The following PKIA variants were observed in gnomAD, a reference collection of about 807,000 sequenced individuals.
PKIA encodes PKI-alpha.
In PKIA, 4 loss-of-function variants were observed where a neutral mutation model predicts 7.6. That is an observed-to-expected ratio of 0.52 (90% CI 0.26 to 1.20). The LOEUF (loss-of-function observed/expected upper bound fraction) is 1.20. Ranked by LOEUF, PKIA falls within the 50% of genes most tolerant of loss-of-function variation. PKIA has a pLI of 0.13. For synonymous variants in PKIA, 21 were observed against 30.7 expected, an observed-to-expected ratio of 0.68 and a Z score of 1.04; for missense variants, 73 against 86.2, an observed-to-expected ratio of 0.85 and a Z score of 0.61.
chr8:78,561,960 G>A (rs563939193), intron 1 of PKIA, among the ~76,000 whole-genome samples: 3 of 152,076 alleles, frequency 2.0e-5, no homozygotes, highest in African/African-American at 7.2e-5. Context: ...ATATTTACTG[G>A]CTTGAATTAG....
intron 2 of PKIA, among the ~76,000 whole-genome samples, chr8:78,585,060 G>A (rs1807915247): frequency 6.6e-6 from 1 of 151,774 alleles, no homozygotes; most frequent in Non-Finnish European, 1.5e-5. Context: ...ATAACAACTT[G>A]TCTCTTGGCC....
Position 78,605,036 on chromosome 8 carries a change from C to T in PKIA, c.*3215C>T, listed in dbSNP as rs1055767574. ...GAAATGTAACTGCCGGGCAGCAAAG[C>T]TTCTAAGTGAAACCTGTAGTAGCAG... On this transcript the variant is annotated 3_prime_UTR_variant, in exon 4 of 4. Coordinates refer to ENST00000396418, the MANE Select transcript of PKIA (RefSeq NM_006823.4). The T allele has an allele frequency of 1.3e-5, 2 of 151,924 alleles. No homozygotes were observed. The highest frequency in any genetic ancestry group is 2.9e-5 in the Non-Finnish European group (2 of 67,944). The allele number at this position is 151,924 out of a possible 1,614,324, so 9.4% of individuals were successfully genotyped here.
At chr8:78,528,062 T>G (rs1806291559) in intron 1 of PKIA, among the ~76,000 whole-genome samples, 1 of 152,132 alleles carries the variant, frequency 6.6e-6, no homozygotes, top group Non-Finnish European at 1.5e-5. Flanking sequence ...GACATTTCAG[T>G]TCTTTTTCTA....
intron 3 of PKIA, among the ~76,000 whole-genome samples, chr8:78,599,873 T>C (rs984181973): frequency 1.3e-5 from 2 of 151,470 alleles, no homozygotes; most frequent in African/African-American, 4.8e-5. Context: ...TCTTTTTCTA[T>C]TTTTCCTGAA....
At chr8:78,526,289 G>T (rs1445019327) in intron 1 of PKIA, among the ~76,000 whole-genome samples, 1 of 152,008 alleles carries the variant, frequency 6.6e-6, no homozygotes, top group Non-Finnish European at 1.5e-5. Flanking sequence ...GTGGCTGTGG[G>T]AATTAAACCT....
chr8:78,540,485 A>C (rs1806655593), intron 1 of PKIA, among the ~76,000 whole-genome samples: 1 of 152,204 alleles, frequency 6.6e-6, no homozygotes, highest in African/African-American at 2.4e-5. Flanking sequence ...CAAAGCCAAG[A>C]GAGATGGGAG....
chr8:78,557,754 C>CA, intron 1 of PKIA, among the ~76,000 whole-genome samples: 5 of 152,250 alleles, frequency 3.3e-5, no homozygotes, highest in Admixed American at 3.3e-4. Flanking sequence ...ATGGGGACAG[C>CA]TATGTCAGGA....
intron 1 of PKIA, among the ~76,000 whole-genome samples, chr8:78,555,042 G>A (rs990820711): frequency 3.3e-5 from 5 of 151,956 alleles, no homozygotes; most frequent in Non-Finnish European, 7.4e-5. Flanking sequence ...TGCACTGTGT[G>A]AATCATATTA....
chr8:78,525,504 T>C (rs975638369), intron 1 of PKIA, among the ~76,000 whole-genome samples: 13 of 152,166 alleles, frequency 8.5e-5, no homozygotes, highest in Admixed American at 8.5e-4. Flanking sequence ...AGAGGATGAA[T>C]GTTGGCATCT....
chr8:78,566,856 A>G (rs1486494001), intron 1 of PKIA, among the ~76,000 whole-genome samples: 1 of 152,162 alleles, frequency 6.6e-6, no homozygotes, highest in Non-Finnish European at 1.5e-5. Flanking sequence ...AAACACCGAA[A>G]AGACATTTAG....
chr8:78,538,886 TGA>T (rs1806603586), intron 1 of PKIA, among the ~76,000 whole-genome samples: 1 of 151,998 alleles, frequency 6.6e-6, no homozygotes, highest in Admixed American at 6.6e-5. Context: ...CTGGGCATTG[TGA>T]GAGAGTGTGG....
chr8:78,528,586 A>G (rs1022122367), intron 1 of PKIA, among the ~76,000 whole-genome samples: 2 of 151,274 alleles, frequency 1.3e-5, no homozygotes, highest in Non-Finnish European at 2.9e-5. Context: ...GTGATTCAGG[A>G]GGCTGAGGCA....
intron 1 of PKIA, among the ~76,000 whole-genome samples, chr8:78,546,134 T>A (rs150244559): frequency 6.6e-6 from 1 of 152,208 alleles, no homozygotes; most frequent in African/African-American, 2.4e-5. Flanking sequence ...ATACATCAAC[T>A]AATACATTGA....
chr8:78,564,137 G>A (rs1356481941), intron 1 of PKIA, among the ~76,000 whole-genome samples: 3 of 151,626 alleles, frequency 2.0e-5, no homozygotes, highest in African/African-American at 7.3e-5. Flanking sequence ...AAAGAAGAAA[G>A]ATGGGAATTT....
chr8:78,582,746 T>A (rs73687536), intron 2 of PKIA, among the ~76,000 whole-genome samples: 2,659 of 152,166 alleles, frequency 0.017, 75 homozygotes, highest in African/African-American at 0.062. Context: ...GGGCATGAAA[T>A]TCATAAGAAA....
At chr8:78,601,660 C>T (rs1808349838) in intron 3 of PKIA, 82 bp from the exon 4 acceptor site, 14 of 1,015,072 alleles carry the variant, frequency 1.4e-5, no homozygotes, top group Non-Finnish European at 2.1e-5. Context: ...TCTGAAGTTA[C>T]CAATATGACA....
intron 1 of PKIA, among the ~76,000 whole-genome samples, chr8:78,518,583 T>A (rs1809358767): frequency 6.6e-6 from 1 of 152,234 alleles, no homozygotes; most frequent in African/African-American, 2.4e-5. Flanking sequence ...ATGTTGACAG[T>A]CACCTTTCTG....
chr8:78,562,466 A>G (rs533840870), intron 1 of PKIA, among the ~76,000 whole-genome samples: 2 of 152,306 alleles, frequency 1.3e-5, no homozygotes, highest in East Asian at 3.9e-4. Flanking sequence ...AACATAAACC[A>G]CTTAATAAGA....
intron 2 of PKIA, among the ~76,000 whole-genome samples, chr8:78,573,346 T>C (rs1807599219): frequency 6.6e-6 from 1 of 152,054 alleles, no homozygotes; most frequent in South Asian, 2.1e-4. Context: ...GGAACAGTCC[T>C]AATGAATGAT....
Sources: allele counts gnomAD v4.1 joint callset (sites outside exome capture counted in the v4.1 genomes callset), GRCh38; gene constraint gnomAD v4.1.1; transcripts MANE v1.5; gene names NCBI Gene and HGNC (gene_info 2026-07-23, HGNC 2026-07-21).